Variants in SYNPR observed in about 807,000 individuals in gnomAD.
SYNPR encodes the protein synaptoporin.
In SYNPR, 23 loss-of-function variants were observed where a neutral mutation model predicts 32.9. The ratio of observed to expected loss-of-function variants is 0.70; its 90% CI spans 0.50 to 0.99. The LOEUF (loss-of-function observed/expected upper bound fraction) is 0.99, where lower values mean the gene tolerates loss of function less well. SYNPR is among the 50% of genes least tolerant of loss of function. The pLI is 0.00. For missense variants in SYNPR, 318 were observed against 349.3 expected (o/e 0.91, Z 0.71); for synonymous variants, 146 against 135.9 (o/e 1.07, Z -0.52).
intron 3 of SYNPR, among the ~76,000 whole-genome samples, chr3:63,550,299 T>C (rs1702477830): frequency 6.6e-6 from 1 of 151,440 alleles, no homozygotes. Context: ...ATAAAGTTCT[T>C]ATATATAAGC....
chr3:63,527,235 T>C (rs1454860187), intron 3 of SYNPR, among the ~76,000 whole-genome samples: 1 of 152,170 alleles, frequency 6.6e-6, no homozygotes, highest in Non-Finnish European at 1.5e-5. Context: ...GGAAAATTTA[T>C]GTAACACTTT....
intron 4 of SYNPR, among the ~76,000 whole-genome samples, chr3:63,573,311 T>C (rs1317556483): frequency 4.6e-5 from 7 of 152,180 alleles, no homozygotes; most frequent in Admixed American, 1.3e-4. Context: ...TAGCTCAAAC[T>C]GAGCAGCTAA....
In SYNPR at chr3:63,305,929, G is replaced by C. The variant is rs550355618; in HGVS notation, c.84+27187G>C. Among the ~76,000 whole-genome samples the C allele has an allele frequency of 2.0e-5, 3 of 152,056 alleles. No individual in the cohort carries two copies. In the East Asian group the frequency reaches 5.8e-4, roughly 30 times the overall value. ...TGTTAAAACCATATTTGGTCATTCA[G>C]TGTCCTCCCATGCCAGTCTCTGCAA... On this transcript the variant is annotated intron_variant, in intron 2 of 5. Transcript: ENST00000478300.
Position 63,355,270 on chromosome 3 carries a change from C to A in SYNPR, c.84+76528C>A, listed in dbSNP as rs1402488183. On this transcript the variant is annotated intron_variant, in intron 2 of 5. Transcript: ENST00000478300. ...CTCCAGCCTGGGTGACAGAGTGAGA[C>A]CCTGTCAAAAAAAAAAAAAAAAGTC... Among the ~76,000 whole-genome samples, 4 of 145,020 alleles carry A rather than the reference C, an allele frequency of 2.8e-5. No individual in the cohort carries two copies. The East Asian group carries it at 8.0e-4, about 29-fold the overall frequency.
chr3:63,413,769 G>A (rs912754759), intron 2 of SYNPR, among the ~76,000 whole-genome samples: 3 of 152,102 alleles, frequency 2.0e-5, no homozygotes, highest in Admixed American at 6.6e-5. Context: ...TTGGGGAAGA[G>A]GAACTGGAAA....
intron 2 of SYNPR, among the ~76,000 whole-genome samples, chr3:63,334,086 A>AT (rs528371082): frequency 6.6e-6 from 1 of 152,206 alleles, no homozygotes; most frequent in Non-Finnish European, 1.5e-5. Flanking sequence ...ACCATAAAGT[A>AT]TTTTTGGCTC....
intron 4 of SYNPR, among the ~76,000 whole-genome samples, chr3:63,581,849 T>C (rs1235663545): frequency 6.6e-6 from 1 of 152,092 alleles, no homozygotes; most frequent in Non-Finnish European, 1.5e-5. Context: ...CTCCCATATT[T>C]CCAACACATT....
At chr3:63,599,236 T>TA (rs1483237123) in intron 4 of SYNPR, among the ~76,000 whole-genome samples, 1 of 152,204 alleles carries the variant, frequency 6.6e-6, no homozygotes, top group Admixed American at 6.5e-5. Flanking sequence ...CACTCTATTT[T>TA]AAAAATTAAT....
intron 4 of SYNPR, among the ~76,000 whole-genome samples, chr3:63,579,827 A>G (rs888605777): frequency 1.3e-5 from 2 of 150,828 alleles, no homozygotes; most frequent in African/African-American, 4.9e-5. Flanking sequence ...ACACACACGC[A>G]CACACACACA....
intron 2 of SYNPR, among the ~76,000 whole-genome samples, chr3:63,334,012 C>T (rs1179483654): frequency 6.6e-6 from 1 of 152,160 alleles, no homozygotes; most frequent in Non-Finnish European, 1.5e-5. Flanking sequence ...CCATTTAATA[C>T]TTCTTAGAGT....
At chr3:63,234,315 G>C (rs1184391464) in intron 1 of SYNPR, among the ~76,000 whole-genome samples, 1 of 152,112 alleles carries the variant, frequency 6.6e-6, no homozygotes, top group African/African-American at 2.4e-5. Context: ...CCTCCCACCA[G>C]GTCTCTCCCA....
intron 2 of SYNPR, among the ~76,000 whole-genome samples, chr3:63,457,853 T>G (rs560472889): frequency 1.3e-4 from 20 of 152,226 alleles, no homozygotes; most frequent in Admixed American, 1.2e-3. Context: ...ACTACATGAT[T>G]ACCTTAATCT....
intron 3 of SYNPR, among the ~76,000 whole-genome samples, chr3:63,509,742 G>T (rs1253682899): frequency 6.6e-6 from 1 of 151,994 alleles, no homozygotes; most frequent in African/African-American, 2.4e-5. Context: ...GACAATAAAG[G>T]TTATTATATT....
intron 2 of SYNPR, among the ~76,000 whole-genome samples, chr3:63,254,456 A>C (rs2086364633): frequency 6.6e-6 from 1 of 152,148 alleles, no homozygotes; most frequent in Non-Finnish European, 1.5e-5. Flanking sequence ...AAAATAACAG[A>C]CTACATCATA....
At chr3:63,446,392 C>T (rs530188812) in intron 2 of SYNPR, among the ~76,000 whole-genome samples, 83 of 151,600 alleles carry the variant, frequency 5.5e-4, no homozygotes, top group African/African-American at 1.9e-3. Context: ...TAAAAAGGAA[C>T]ACAGCTGTCA....
At position 63,559,343 on chromosome 3, in the gene SYNPR, G is replaced by C. The variant is rs560110165; in HGVS notation, c.408+2602G>C. Among the ~76,000 whole-genome samples the C allele has an allele frequency of 6.6e-5, 10 of 152,262 alleles. No homozygotes were observed. In the South Asian group the frequency reaches 2.1e-3, roughly 32 times the overall value. On this transcript the variant is annotated intron_variant, in intron 4 of 5. Coordinates refer to ENST00000478300, the MANE Select transcript of SYNPR (RefSeq NM_001130003.2). ...TCTAGCAGCCTTGGCCTCCCAAAATGTTGGGATTACAGGCGTGAGCCACCA... is the reference window on the plus strand; with the variant it reads ...TCTAGCAGCCTTGGCCTCCCAAAATCTTGGGATTACAGGCGTGAGCCACCA...
In SYNPR at chr3:63,615,666, A is replaced by T; in HGVS notation, c.*185A>T. ...AAATGATACTTAGAGATGAGGCGAC[A>T]TGAGGAGATATATTATTCATCATAG... On this transcript the variant is annotated 3_prime_UTR_variant, in exon 6 of 6. Transcript: ENST00000478300. 4.3e-6 allele frequency: 3 copies of T among 702,596 alleles called. No individual in the cohort carries two copies. Among genetic ancestry groups the T allele is most frequent in the South Asian group, 2.1e-5 (1 of 47,176 alleles). 43.5% of individuals were successfully genotyped at this position (702,596 alleles called of 1,614,324 possible). A position where few individuals can be genotyped will look rare whatever the true frequency, so the allele number is the denominator to read the frequency against.
At chr3:63,308,280 TCAAA>T (rs1470799286) in intron 2 of SYNPR, among the ~76,000 whole-genome samples, 2 of 152,038 alleles carry the variant, frequency 1.3e-5, no homozygotes, top group East Asian at 1.9e-4. Context: ...ACACAAAATA[TCAAA>T]CATACAGCGG....
chr3:63,576,758 T>G (rs1702987323), intron 4 of SYNPR, among the ~76,000 whole-genome samples: 1 of 139,004 alleles, frequency 7.2e-6, no homozygotes, highest in Non-Finnish European at 1.5e-5. Flanking sequence ...ACAACTACAC[T>G]CCAGCCTGGG....
Sources: allele counts gnomAD v4.1 joint callset (sites outside exome capture counted in the v4.1 genomes callset), GRCh38; gene constraint gnomAD v4.1.1; transcripts MANE v1.5; gene names NCBI Gene and HGNC (gene_info 2026-07-23, HGNC 2026-07-21).